The following TENM4 variants were observed in gnomAD, a reference collection of about 807,000 sequenced individuals.
TENM4 encodes the protein teneurin-4.
Under a neutral mutation model 243.3 loss-of-function variants are expected in TENM4, and 82 were observed. The ratio of observed to expected loss-of-function variants is 0.34; its 90% confidence interval spans 0.28 to 0.40. The LOEUF (loss-of-function observed/expected upper bound fraction) is 0.40, where lower values mean the gene tolerates loss of function less well. TENM4 is among the 10% of genes least tolerant of loss of function. The pLI is 1.00. For missense variants in TENM4, 3,138 were observed against 3,673.3 expected (o/e 0.85, Z 3.77); for synonymous variants, 1,412 against 1,456.3 (o/e 0.97, Z 0.69).
intron 1 of TENM4, among the ~76,000 whole-genome samples, chr11:79,332,083 A>G (rs986790316): frequency 6.6e-6 from 1 of 152,210 alleles, no homozygotes; most frequent in Non-Finnish European, 1.5e-5. Context: ...TCCTCACACA[A>G]CCTGTAAAGT....
chr11:78,948,587 G>A (rs1857052366), intron 6 of TENM4, among the ~76,000 whole-genome samples: 1 of 152,174 alleles, frequency 6.6e-6, no homozygotes, highest in Admixed American at 6.5e-5. Flanking sequence ...TAGCCAGGAT[G>A]GTCTCGATCT....
At chr11:79,412,959 A>G (rs1196636056) in intron 1 of TENM4, among the ~76,000 whole-genome samples, 1 of 152,208 alleles carries the variant, frequency 6.6e-6, no homozygotes, top group Non-Finnish European at 1.5e-5. Flanking sequence ...ATGAGTCACT[A>G]CATAACAAAG....
intron 1 of TENM4, among the ~76,000 whole-genome samples, chr11:79,372,623 C>A (rs539382234): frequency 6.6e-6 from 1 of 152,168 alleles, no homozygotes; most frequent in African/African-American, 2.4e-5. Context: ...TCTGCAACAA[C>A]CAGGCTTTGA....
intron 1 of TENM4, among the ~76,000 whole-genome samples, chr11:79,372,401 C>T (rs1402603480): frequency 2.0e-5 from 3 of 152,208 alleles, no homozygotes; most frequent in Non-Finnish European, 2.9e-5. Flanking sequence ...CAGAACCACA[C>T]AAGCCCCTGT....
chr11:78,666,052 A>ATT (rs34566831), intron 32 of TENM4, among the ~76,000 whole-genome samples: 11 of 150,888 alleles, frequency 7.3e-5, no homozygotes, highest in South Asian at 2.1e-4. Flanking sequence ...GAAAAAAAGA[A>ATT]TTTTTTTTTT....
At chr11:78,986,289 A>T (rs1857916060) in intron 6 of TENM4, among the ~76,000 whole-genome samples, 1 of 152,228 alleles carries the variant, frequency 6.6e-6, no homozygotes, top group African/African-American at 2.4e-5. Context: ...AATGGATATT[A>T]ATCAAACACA....
rs533925256 is a variant in TENM4, at chr11:79,195,620, C to T, written c.-163+20188G>A. ...GTAACCCCTTTGTTTTGGCCAATTTCTCCCACTTGGAATGGCTGTATTTAC... is the reference window on the plus strand; with the variant it reads ...GTAACCCCTTTGTTTTGGCCAATTTTTCCCACTTGGAATGGCTGTATTTAC... On this transcript the variant is annotated intron_variant, in intron 3 of 33. Transcript: ENST00000278550. Among the ~76,000 whole-genome samples the T allele has an allele frequency of 3.4e-4, 52 of 152,260 alleles. 1 individual carries two copies. Among genetic ancestry groups the T allele is most frequent in the African/African-American group, 1.2e-3 (48 of 41,548 alleles).
At chr11:79,319,742 TGAAA>T (rs1856857899) in intron 1 of TENM4, among the ~76,000 whole-genome samples, 1 of 151,912 alleles carries the variant, frequency 6.6e-6, no homozygotes, top group Non-Finnish European at 1.5e-5. Context: ...ATCTCTGTGT[TGAAA>T]GATGCAAGTG....
At chr11:78,760,881 G>T (rs1159344038) in intron 18 of TENM4, among the ~76,000 whole-genome samples, 4 of 152,034 alleles carry the variant, frequency 2.6e-5, no homozygotes, top group Admixed American at 1.3e-4. Context: ...CATCATTTGT[G>T]TCTGGTCTGC....
intron 12 of TENM4, among the ~76,000 whole-genome samples, chr11:78,840,336 T>TA (rs371314750): frequency 1.2e-3 from 183 of 148,026 alleles, no homozygotes; most frequent in African/African-American, 3.7e-3. Context: ...CAAATGAAAA[T>TA]AAAAAAAAAA....
chr11:78,901,244 T>A (rs1331651113), intron 7 of TENM4, among the ~76,000 whole-genome samples: 2 of 152,234 alleles, frequency 1.3e-5, no homozygotes, highest in Admixed American at 1.3e-4. Flanking sequence ...TGTGAGTATA[T>A]ACCTACATGT....
intron 4 of TENM4, among the ~76,000 whole-genome samples, chr11:79,132,205 G>A (rs1373437414): frequency 1.3e-5 from 2 of 151,632 alleles, no homozygotes; most frequent in Non-Finnish European, 2.9e-5. Context: ...AATGAGCCGG[G>A]CGCGGTGGTG....
chr11:78,932,269 C>G (rs971188749), intron 6 of TENM4, among the ~76,000 whole-genome samples: 54 of 152,292 alleles, frequency 3.5e-4, no homozygotes, highest in African/African-American at 1.2e-3. Flanking sequence ...CTCACCACCA[C>G]CCCCAGGTTG....
chr11:78,983,489 C>T (rs1490730758), intron 6 of TENM4, among the ~76,000 whole-genome samples: 3 of 152,256 alleles, frequency 2.0e-5, no homozygotes, highest in Middle Eastern at 3.2e-3. Flanking sequence ...ATTCCTGATG[C>T]TCATGGTGTC....
intron 2 of TENM4, among the ~76,000 whole-genome samples, chr11:79,287,181 G>T (rs939701369): frequency 6.6e-6 from 1 of 152,218 alleles, no homozygotes; most frequent in African/African-American, 2.4e-5. Context: ...GTCTTGGAGG[G>T]ATCATGAGAG....
chr11:78,719,931 G>T (rs1859607163), intron 25 of TENM4, among the ~76,000 whole-genome samples: 2 of 152,136 alleles, frequency 1.3e-5, no homozygotes, highest in Admixed American at 1.3e-4. Context: ...CCAAGCTGAG[G>T]CACCTTGAAT....
intron 2 of TENM4, among the ~76,000 whole-genome samples, chr11:79,261,974 C>T (rs961706511): frequency 1.1e-4 from 17 of 152,100 alleles, no homozygotes; most frequent in African/African-American, 4.1e-4. Context: ...AGATCACAGC[C>T]CTGTAAGGAT....
At chr11:79,134,325 C>T (rs1361496008) in intron 4 of TENM4, among the ~76,000 whole-genome samples, 5 of 152,138 alleles carry the variant, frequency 3.3e-5, no homozygotes, top group African/African-American at 1.2e-4. Flanking sequence ...AACTACACAA[C>T]ACTGCTGAAA....
chr11:78,758,229 G>A (rs1333410859), intron 18 of TENM4, among the ~76,000 whole-genome samples: 3 of 152,150 alleles, frequency 2.0e-5, no homozygotes, highest in Admixed American at 6.5e-5. Context: ...CCTCACCACC[G>A]TGGGAGCGCA....
Sources: gnomAD v4.1 joint callset for allele counts (sites outside exome capture counted in the v4.1 genomes callset) on GRCh38, gnomAD v4.1.1 for gene constraint, MANE v1.5 for transcripts, NCBI Gene and HGNC (gene_info 2026-07-23, HGNC 2026-07-21) for gene names.